Variants in PDE8A observed in about 807,000 individuals in gnomAD.
PDE8A encodes the protein high affinity cAMP-specific and IBMX-insensitive 3',5'-cyclic phosphodiesterase 8A.
A neutral mutation model predicts 105.0 loss-of-function variants in PDE8A; 59 were observed. The ratio of observed to expected loss-of-function variants is 0.56; its 90% CI spans 0.46 to 0.70. PDE8A has a LOEUF of 0.70. PDE8A is among the 30% of genes least tolerant of loss of function. PDE8A has a pLI of 0.00. For missense variants in PDE8A, 1,014 were observed against 1,045.9 expected, an observed-to-expected ratio of 0.97 and a Z score of 0.42; for synonymous variants, 355 against 371.9, an observed-to-expected ratio of 0.95 and a Z score of 0.52.
rs996905528 is a variant in PDE8A at position 85,138,855 on chromosome 15, GTCTAC to G, written c.*957_*961del. ...AAATTTTATAATTCAATTTCCAAAA[GTCTAC>G]TCTATTTTATACTGTTTCTACAAAA... is the stretch of plus-strand genomic sequence containing the variant. On this transcript the variant is annotated 3_prime_UTR_variant, in exon 22 of 22. Coordinates refer to ENST00000394553, the MANE Select transcript of PDE8A (RefSeq NM_002605.3). The G allele has an allele frequency of 9.9e-5, 15 of 152,218 alleles. No homozygotes were observed. Among genetic ancestry groups the G allele is most frequent in the South Asian group, 2.1e-4 (1 of 4,822 alleles). 9.4% of individuals were successfully genotyped at this position (152,218 alleles called of 1,614,324 possible).
chr15:85,100,060 CAAT>C lies in PDE8A; in HGVS notation c.990_992del (p.Asn330del). 6.2e-7 allele frequency: 1 copy of C among 1,613,660 alleles called. No individual in the cohort carries two copies. The highest frequency in any genetic ancestry group is 8.5e-7 in the Non-Finnish European group (1 of 1,179,730). ...CCATTATCAGAGTGTGCAATGGCAACAATAAGGTACGTAAGGAGAGCCCCCCGG... is the reference window on the plus strand; with the variant it reads ...CCATTATCAGAGTGTGCAATGGCAACAAGGTACGTAAGGAGAGCCCCCCGG... On this transcript the variant is annotated inframe_deletion, in exon 10 of 22. Coordinates refer to ENST00000394553, the MANE Select transcript of PDE8A (RefSeq NM_002605.3).
rs371062655 is a variant in PDE8A at position 85,083,625 on chromosome 15, C to T, written c.616C>T (p.Arg206Ter). The T allele has an allele frequency of 6.2e-6, 10 of 1,611,526 alleles. No homozygotes were observed. Among genetic ancestry groups the T allele is most frequent in the South Asian group, 1.1e-5 (1 of 91,018 alleles). ...GCTCCAGCTGGAGTTTGGAGAGGTG[C>T]GATCACAACTGAAACTCAGGTAATT... ...ELLQLEFGEV[R>*]SQLKLRACNS... Residue 206 changes from arginine to a stop codon, truncating the protein, a stop_gained, in exon 6 of 22, where the codon CGA (arginine) becomes TGA (stop). Coordinates refer to ENST00000394553, the MANE Select transcript of PDE8A (RefSeq NM_002605.3). LOFTEE classifies it high-confidence loss of function.
chr15:85,113,369 C>G lies in PDE8A; in HGVS notation c.1115-8C>G. 6.2e-7 allele frequency: 1 copy of G among 1,613,574 alleles called. No homozygotes were observed. The highest frequency in any genetic ancestry group is 1.3e-5 in the African/African-American group (1 of 74,998). On this transcript the variant is annotated splice_region_variant and splice_polypyrimidine_tract_variant and intron_variant, in intron 12 of 21. Transcript: ENST00000394553. ...CATGCCCTGATTTGTGCATCCCTTT[C>G]TCCACAGTTTCCAGCCAGAGACGAC...
At chr15:85,106,246 G>A (rs2081945645) in intron 11 of PDE8A, among the ~76,000 whole-genome samples, 1 of 152,004 alleles carries the variant, frequency 6.6e-6, no homozygotes, top group South Asian at 2.1e-4. Flanking sequence ...CTTGGCTGCA[G>A]CTACAAGACT....
intron 1 of PDE8A, among the ~76,000 whole-genome samples, chr15:84,994,855 T>G (rs372708726): frequency 6.6e-6 from 1 of 151,460 alleles, no homozygotes; most frequent in Non-Finnish European, 1.5e-5. Flanking sequence ...TCCTAGCTAC[T>G]AGAGGCTGAG....
At chr15:85,034,049 C>T (rs1218939258) in intron 1 of PDE8A, among the ~76,000 whole-genome samples, 1 of 152,052 alleles carries the variant, frequency 6.6e-6, no homozygotes, top group Non-Finnish European at 1.5e-5. Context: ...CAACATCTCC[C>T]AGTAGGGTTA....
At chr15:84,997,225 A>T (rs756385169) in intron 1 of PDE8A, among the ~76,000 whole-genome samples, 19 of 151,282 alleles carry the variant, frequency 1.3e-4, no homozygotes, top group Non-Finnish European at 2.5e-4. Flanking sequence ...ACAGGGTCTC[A>T]CTCTGTCACC....
At chr15:85,030,938 A>G (rs549505732) in intron 1 of PDE8A, among the ~76,000 whole-genome samples, 2 of 152,332 alleles carry the variant, frequency 1.3e-5, no homozygotes, top group East Asian at 3.9e-4. Flanking sequence ...ATATTTTTAT[A>G]TCCTTCTATA....
chr15:84,990,783 G>A (rs2079874251), intron 1 of PDE8A, among the ~76,000 whole-genome samples: 1 of 152,238 alleles, frequency 6.6e-6, no homozygotes. Context: ...AGGTATATGT[G>A]TAGCTTTTTA....
rs1242532906 is a variant in PDE8A, at chr15:85,021,186, C to G, written c.186+38838C>G. Among the ~76,000 whole-genome samples the G allele has an allele frequency of 1.3e-5, 2 of 152,106 alleles. 1 individual carries two copies. Among genetic ancestry groups the G allele is most frequent in the South Asian group, 4.1e-4 (2 of 4,828 alleles). ...AGGTGCCATCTATGAAGAGTAGGCC[C>G]TCACCAGACACTGATCTTGGACCTC... is the stretch of plus-strand genomic sequence containing the variant. On this transcript the variant is annotated intron_variant, in intron 1 of 21. Coordinates refer to ENST00000394553, the MANE Select transcript of PDE8A (RefSeq NM_002605.3).
Position 85,076,736 on chromosome 15 carries a change from G to T in PDE8A, c.495G>T (p.Val165=). 1 of 1,588,566 alleles carries T rather than the reference G, an allele frequency of 6.3e-7. No individual in the cohort carries two copies. Among genetic ancestry groups the T allele is most frequent in the South Asian group, 1.1e-5 (1 of 90,580 alleles). The change falls in exon 5 of 22, where the codon GTG becomes GTT. Residue 165 remains valine, a synonymous_variant. Transcript: ENST00000394553. Reference sequence around the variant, plus strand: ...TCTTTACTGTGTTATTTTGAAGGGTGGATAGAGAAGAGTTGTCCGTAATGC... The same window carrying T: ...TCTTTACTGTGTTATTTTGAAGGGTTGATAGAGAAGAGTTGTCCGTAATGC... ...NTVIVGVVRR[V]DREELSVMPF... is the part of the protein sequence containing the mutation.
intron 1 of PDE8A, among the ~76,000 whole-genome samples, chr15:84,988,905 T>C (rs1021688464): frequency 6.6e-6 from 1 of 152,232 alleles, no homozygotes; most frequent in Non-Finnish European, 1.5e-5. Flanking sequence ...AGTACACCAG[T>C]CTCTAAGGCT....
chr15:85,028,367 G>T (rs369293267), intron 1 of PDE8A, among the ~76,000 whole-genome samples: 2 of 151,836 alleles, frequency 1.3e-5, no homozygotes, highest in African/African-American at 4.8e-5. Flanking sequence ...GGTGTGTGCC[G>T]GCACAACTGG....
rs770048623 is a variant in PDE8A, at chr15:85,117,707, C to G, written c.1602C>G (p.Ser534=). 1.2e-6 allele frequency: 2 copies of G among 1,613,914 alleles called. No individual in the cohort carries two copies. Among genetic ancestry groups the G allele is most frequent in the Admixed American group, 3.3e-5 (2 of 60,028 alleles). Residue 534 remains serine, a synonymous_variant, in exon 17 of 22, where the codon TCC becomes TCG. Coordinates refer to ENST00000394553, the MANE Select transcript of PDE8A (RefSeq NM_002605.3). ...RFGICEFLHC[S]ESTLRSWLQI... The stretch of plus-strand genomic sequence containing the variant: ...GAATCTGTGAATTCTTACACTGCTC[C>G]GAGTCAACGCTAAGATCATGGTTAC...
intron 11 of PDE8A, among the ~76,000 whole-genome samples, chr15:85,106,680 C>T (rs2141583141): frequency 6.6e-6 from 1 of 152,258 alleles, no homozygotes; most frequent in African/African-American, 2.4e-5. Context: ...GAGCCGGTGT[C>T]AAGGCTGTTC....
chr15:85,017,218 G>A (rs1378479842), intron 1 of PDE8A, among the ~76,000 whole-genome samples: 1 of 150,716 alleles, frequency 6.6e-6, no homozygotes, highest in Non-Finnish European at 1.5e-5. Flanking sequence ...CCGAGATTGC[G>A]CCACTGCAGT....
chr15:85,048,181 G>T (rs114671773), intron 1 of PDE8A, among the ~76,000 whole-genome samples: 2 of 151,988 alleles, frequency 1.3e-5, no homozygotes, highest in African/African-American at 2.4e-5. Context: ...TTCTAAGGAG[G>T]CAGGATTTTT....
chr15:85,014,847 G>A (rs1034062968), intron 1 of PDE8A, among the ~76,000 whole-genome samples: 1 of 152,052 alleles, frequency 6.6e-6, no homozygotes, highest in Admixed American at 6.5e-5. Flanking sequence ...TCAAAGTTGT[G>A]CAACCATTAC....
At chr15:85,067,841 G>A (rs910040918) in intron 3 of PDE8A, among the ~76,000 whole-genome samples, 10 of 152,144 alleles carry the variant, frequency 6.6e-5, no homozygotes, top group Non-Finnish European at 1.3e-4. Flanking sequence ...TGGGGTATGT[G>A]GTGACGTCAA....
Sources: allele counts gnomAD v4.1 joint callset (sites outside exome capture counted in the v4.1 genomes callset), GRCh38; gene constraint gnomAD v4.1.1; transcripts MANE v1.5; gene names NCBI Gene and HGNC (gene_info 2026-07-23, HGNC 2026-07-21).